RPA3: variants seen among roughly 807,000 people sequenced by gnomAD.
RPA3 encodes replication protein A3, also known as replication protein A 14 kDa subunit.
In RPA3, 24 loss-of-function variants were observed where a neutral mutation model predicts 13.7. The ratio of observed to expected loss-of-function variants is 1.75; its 90% CI spans 1.27 to 2.46. The LOEUF is 2.46. Among genes scored for constraint, RPA3 ranks in the 30% most tolerant of loss-of-function variants. The pLI, the probability that RPA3 is intolerant of heterozygous loss-of-function variation, is 0.00. For synonymous variants in RPA3, 59 were observed against 51.2 expected (o/e 1.15, Z -0.65); for missense variants, 183 against 151.0 (o/e 1.21, Z -1.11).
In RPA3 at chr7:7,678,665, ATAAATATATATTTATATATT is replaced by A. The variant is rs1307187276; in HGVS notation, c.-758+7145_-758+7164del. ...AAATATATATTTATATATTTAGTTT[ATAAATATATATTTATATATT>A]TAGTTTATAAATATATATTTATATA... On this transcript the variant is annotated intron_variant, in intron 4 of 7. Coordinates refer to ENST00000223129, the MANE Select transcript of RPA3 (RefSeq NM_002947.5). Among the ~76,000 whole-genome samples the A allele has an allele frequency of 3.3e-3, 421 of 129,038 alleles. 4 individuals are homozygous for A. The highest frequency in any genetic ancestry group is 0.012 in the African/African-American group (393 of 32,418). The allele number at this position is 129,038 out of a possible 152,430, so 84.7% of individuals were successfully genotyped here.
chr7:7,681,766 G>A (rs1370821069), intron 4 of RPA3, among the ~76,000 whole-genome samples: 1 of 152,056 alleles, frequency 6.6e-6, no homozygotes, highest in African/African-American at 2.4e-5. Flanking sequence ...CTCCTGTTAT[G>A]ACATGTTTAA....
chr7:7,672,615 C>T (rs1044564767), intron 4 of RPA3, among the ~76,000 whole-genome samples: 1 of 152,176 alleles, frequency 6.6e-6, no homozygotes, highest in African/African-American at 2.4e-5. Flanking sequence ...AGTGAGTTCT[C>T]ATGAGATCTG....
At chr7:7,718,490 C>T (rs1284490417) in intron 1 of RPA3, 25 bp downstream of exon 1, 1 of 152,118 alleles carries the variant, frequency 6.6e-6, no homozygotes, top group African/African-American at 2.4e-5. Flanking sequence ...AACTATGTAT[C>T]CAACAAATTC....
chr7:7,683,516 C>A (rs1353031179), intron 4 of RPA3, among the ~76,000 whole-genome samples: 1 of 152,054 alleles, frequency 6.6e-6, no homozygotes, highest in Admixed American at 6.6e-5. Flanking sequence ...GCAAATAAAA[C>A]CACAGAATTT....
At chr7:7,698,636 G>A (rs189440698) in intron 2 of RPA3, among the ~76,000 whole-genome samples, 67 of 152,186 alleles carry the variant, frequency 4.4e-4, no homozygotes, top group Non-Finnish European at 7.8e-4. Context: ...AAGTAACCCA[G>A]TTGTAATGTG....
intron 2 of RPA3, among the ~76,000 whole-genome samples, chr7:7,703,595 G>T (rs1279441328): frequency 6.6e-6 from 1 of 152,154 alleles, no homozygotes; most frequent in East Asian, 1.9e-4. Context: ...CAACACAGGT[G>T]CTAACAACAA....
chr7:7,665,426 G>A (rs1779418843), intron 4 of RPA3, among the ~76,000 whole-genome samples: 1 of 152,184 alleles, frequency 6.6e-6, no homozygotes, highest in African/African-American at 2.4e-5. Context: ...GACTGTCCCT[G>A]TAACACAAAG....
At chr7:7,706,966 A>G (rs191838933) in intron 2 of RPA3, among the ~76,000 whole-genome samples, 31 of 152,306 alleles carry the variant, frequency 2.0e-4, no homozygotes, top group African/African-American at 7.5e-4. Context: ...TGCCAGGCTT[A>G]TATTCTTGTC....
intron 4 of RPA3, among the ~76,000 whole-genome samples, chr7:7,681,692 A>G (rs1779916212): frequency 1.3e-5 from 2 of 152,122 alleles, no homozygotes; most frequent in South Asian, 2.1e-4. Context: ...GCGATTTTTC[A>G]TAGCCTTATA....
intron 4 of RPA3, chr7:7,641,712 T>G (rs1784978338): frequency 6.6e-6 from 1 of 152,174 alleles, no homozygotes; most frequent in Non-Finnish European, 1.5e-5. Flanking sequence ...AACGGTACGG[T>G]GGAAATTGGA....
Position 7,637,094 on chromosome 7 carries a change from AT to A in RPA3, c.284-13del, listed in dbSNP as rs759952019. ...GTAAAGTCCAAGATCTGAAAGAAAC[AT>A]TTAAGCAAACATTTAATCTACAATG... is the stretch of plus-strand genomic sequence containing the variant. On this transcript the variant is annotated splice_polypyrimidine_tract_variant and intron_variant, in intron 7 of 7. Coordinates refer to ENST00000223129, the MANE Select transcript of RPA3 (RefSeq NM_002947.5). 8.4e-6 allele frequency: 13 copies of A among 1,552,978 alleles called. No homozygotes were observed. In the African/African-American group the frequency reaches 1.6e-4, roughly 19 times the overall value.
chr7:7,673,930 CA>C (rs978566509), intron 4 of RPA3, among the ~76,000 whole-genome samples: 3 of 152,134 alleles, frequency 2.0e-5, no homozygotes, highest in African/African-American at 7.2e-5. Flanking sequence ...TTAATACCTG[CA>C]AATTTTAAAG....
chr7:7,677,805 CTGGGA>C (rs1779785713), intron 4 of RPA3, among the ~76,000 whole-genome samples: 1 of 149,652 alleles, frequency 6.7e-6, no homozygotes, highest in Non-Finnish European at 1.5e-5. Flanking sequence ...TCCCAAGTAG[CTGGGA>C]CTACAGGCGC....
intron 4 of RPA3, among the ~76,000 whole-genome samples, chr7:7,662,532 C>T (rs984429744): frequency 1.3e-5 from 2 of 152,156 alleles, no homozygotes; most frequent in South Asian, 2.1e-4. Context: ...TGTTCCTCAC[C>T]GCACAGTCCC....
chr7:7,710,448 G>C (rs1780726499), intron 2 of RPA3, among the ~76,000 whole-genome samples: 1 of 152,110 alleles, frequency 6.6e-6, no homozygotes, highest in African/African-American at 2.4e-5. Context: ...TATACATATG[G>C]CAAATAAGCA....
intron 4 of RPA3, among the ~76,000 whole-genome samples, chr7:7,669,516 G>A (rs1779552488): frequency 6.6e-6 from 1 of 152,182 alleles, no homozygotes. Context: ...AGATTTTAGT[G>A]CTTTAGCATA....
rs749051690 is a variant in RPA3, at chr7:7,640,363, T to C, written c.56A>G (p.Gln19Arg). Residue 19 changes from glutamine (Q) to arginine (R), a missense_variant, in exon 5 of 8, where the codon CAA becomes CGA. Physicochemically the swap from Gln to Arg is conservative, Grantham distance 43. Coordinates refer to ENST00000223129, the MANE Select transcript of RPA3 (RefSeq NM_002947.5). ...GAAGCAGACAGGCTTGTCGATGAAT[T>C]GAGCTAGCATGCCGGCGTTGATGCG... ...RSRINAGMLA[Q>R]FIDKPVCFVG... 3.7e-6 allele frequency: 6 copies of C among 1,614,052 alleles called. No homozygotes were observed. In the East Asian group the frequency reaches 1.3e-4, roughly 36 times the overall value.
At chr7:7,679,929 C>T (rs1415986732) in intron 4 of RPA3, among the ~76,000 whole-genome samples, 2 of 151,724 alleles carry the variant, frequency 1.3e-5, no homozygotes, top group African/African-American at 2.4e-5. Flanking sequence ...CTTATATATA[C>T]TGATTGTTCA....
At chr7:7,646,034 T>A (rs1224763833) in intron 4 of RPA3, among the ~76,000 whole-genome samples, 1 of 151,246 alleles carries the variant, frequency 6.6e-6, no homozygotes, top group Non-Finnish European at 1.5e-5. Flanking sequence ...GGTGCAGGAG[T>A]TGGGGTGAGT....
Sources: gnomAD v4.1 joint callset for allele counts (sites outside exome capture counted in the v4.1 genomes callset) on GRCh38, gnomAD v4.1.1 for gene constraint, MANE v1.5 for transcripts, NCBI Gene and HGNC (gene_info 2026-07-23, HGNC 2026-07-21) for gene names.